SUCO: variants seen among roughly 807,000 people sequenced by gnomAD.
SUCO encodes SUN domain containing ossification factor.
In SUCO, 57 loss-of-function variants were observed where a neutral mutation model predicts 148.1. That is an observed-to-expected ratio of 0.38 (90% CI 0.31 to 0.48). The LOEUF (loss-of-function observed/expected upper bound fraction) is 0.48. SUCO is among the 20% of genes least tolerant of loss of function. The pLI is 0.96. For missense variants in SUCO, 1,331 were observed against 1,468.2 expected (o/e 0.91, Z 1.53); for synonymous variants, 470 against 502.7 (o/e 0.93, Z 0.87).
At chr1:172,576,339 A>G (rs1318448244) in intron 11 of SUCO, among the ~76,000 whole-genome samples, 1 of 151,670 alleles carries the variant, frequency 6.6e-6, no homozygotes, top group Non-Finnish European at 1.5e-5. Flanking sequence ...TCTTCTTTAA[A>G]TGTGAGAACT....
rs145760166 is a variant in SUCO, at chr1:172,601,922, C to G, written c.3019-142C>G. The G allele has an allele frequency of 1.7e-3, 1,330 of 760,294 alleles. 14 individuals carry two copies. The highest frequency in any genetic ancestry group is 0.017 in the South Asian group (485 of 28,068). 47.1% of individuals were successfully genotyped at this position (760,294 alleles called of 1,614,324 possible). A position where few individuals can be genotyped will look rare whatever the true frequency, so the allele number is the denominator to read the frequency against. ...TTTCTTTAATGTCATAGTTTATTTT[C>G]AAAGAGCATGCCCTGCATTTCTGGT... is the stretch of plus-strand genomic sequence containing the variant. On this transcript the variant is annotated intron_variant, in intron 20 of 23. Transcript: ENST00000263688.
In SUCO at chr1:172,569,920, CAA is replaced by C. The variant is rs563784779; in HGVS notation, c.857-126_857-125del. 100 of 876,902 alleles carry C rather than the reference CAA, an allele frequency of 1.1e-4. No individual in the cohort carries two copies. The East Asian group carries it at 3.3e-3, about 29-fold the overall frequency. The allele number at this position is 876,902 out of a possible 1,614,324, so 54.3% of individuals were successfully genotyped here. A position where few individuals can be genotyped will look rare whatever the true frequency, so the allele number is the denominator to read the frequency against. ...TTTATGAATTTTTAAAATATTCTCTCAAGTGTTAAAACCTATTCTTTTCTAGA... is the reference window on the plus strand; with the variant it reads ...TTTATGAATTTTTAAAATATTCTCTCGTGTTAAAACCTATTCTTTTCTAGA... On this transcript the variant is annotated intron_variant, in intron 7 of 23. Coordinates refer to ENST00000263688, the MANE Select transcript of SUCO (RefSeq NM_014283.5).
chr1:172,603,471 A>G (rs1657662129), intron 22 of SUCO, among the ~76,000 whole-genome samples: 1 of 152,020 alleles, frequency 6.6e-6, no homozygotes, highest in Admixed American at 6.6e-5. Context: ...GTTTCAATTG[A>G]TTAAATTATT....
At chr1:172,593,704 A>G (rs1226962144) in intron 19 of SUCO, among the ~76,000 whole-genome samples, 2 of 152,106 alleles carry the variant, frequency 1.3e-5, no homozygotes, top group South Asian at 4.2e-4. Flanking sequence ...TTTTTGCATC[A>G]ATGTTCATCA....
At chr1:172,588,047 C>A in intron 17 of SUCO, 2 of 976,216 alleles carry the variant, frequency 2.0e-6, no homozygotes, top group Non-Finnish European at 2.4e-6. Flanking sequence ...ATATCATAAG[C>A]CAGAATTGTT....
intron 14 of SUCO, 71 bp downstream of exon 14, chr1:172,578,460 G>T: frequency 6.7e-7 from 1 of 1,484,866 alleles, no homozygotes; most frequent in South Asian, 1.2e-5. Context: ...AGTAATGGGG[G>T]AGTATAGCTT....
intron 18 of SUCO, 24 bp downstream of exon 18, chr1:172,589,950 C>A: frequency 6.7e-7 from 1 of 1,496,900 alleles, no homozygotes; most frequent in Non-Finnish European, 8.8e-7. Flanking sequence ...TGAATTAGCA[C>A]AGTCAGCTTC....
Position 172,557,685 on chromosome 1 carries a change from G to C in SUCO, c.623G>C (p.Gly208Ala). The part of the protein sequence containing the change: ...QHIENVSSSH[G>A]KGKITKSEFE... ...ATAGAAAATGTATCATCTTCACATG[G>C]TAAAGGAAAGATAACAAAATCAGAA... is the stretch of plus-strand genomic sequence containing the variant. Residue 208 changes from glycine to alanine, a missense_variant, in exon 6 of 24, where the codon GGT (glycine) becomes GCT (alanine). Transcript: ENST00000263688. 6.2e-7 allele frequency: 1 copy of C among 1,612,860 alleles called. No individual in the cohort carries two copies. The highest frequency in any genetic ancestry group is 8.5e-7 in the Non-Finnish European group (1 of 1,179,548).
intron 6 of SUCO, among the ~76,000 whole-genome samples, chr1:172,561,914 A>G (rs1654186882): frequency 6.6e-6 from 1 of 152,226 alleles, no homozygotes; most frequent in Non-Finnish European, 1.5e-5. Flanking sequence ...GGAGGAATAC[A>G]AAACAAAAAT....
intron 1 of SUCO, among the ~76,000 whole-genome samples, chr1:172,549,187 C>A (rs1279557578): frequency 1.3e-5 from 2 of 151,614 alleles, no homozygotes; most frequent in African/African-American, 2.4e-5. Flanking sequence ...TGAAAATTAC[C>A]CCTAATGTTT....
chr1:172,533,538 T>G, intron 1 of SUCO, 41 bp downstream of exon 1: 2 of 1,501,828 alleles, frequency 1.3e-6, no homozygotes, highest in Non-Finnish European at 1.8e-6. Context: ...GTGAGGGGAG[T>G]AAATGGGAGG....
At chr1:172,540,349 T>A (rs1481786152) in intron 1 of SUCO, among the ~76,000 whole-genome samples, 1 of 152,212 alleles carries the variant, frequency 6.6e-6, no homozygotes, top group Non-Finnish European at 1.5e-5. Context: ...TGGGTGCCTG[T>A]ATTAGCCTAG....
chr1:172,565,012 C>T (rs1654453464), intron 6 of SUCO, among the ~76,000 whole-genome samples: 1 of 152,176 alleles, frequency 6.6e-6, no homozygotes, highest in African/African-American at 2.4e-5. Flanking sequence ...ATCATTTTAC[C>T]ATTTTTAGAT....
chr1:172,580,691 A>G (rs1490749563), intron 15 of SUCO, among the ~76,000 whole-genome samples: 1 of 152,210 alleles, frequency 6.6e-6, no homozygotes, highest in Non-Finnish European at 1.5e-5. Flanking sequence ...ACTGGAAAAA[A>G]GAGGACACCT....
chr1:172,532,551 A>G (rs1411602271), upstream of SUCO: 4 of 1,613,744 alleles, frequency 2.5e-6, no homozygotes, highest in Non-Finnish European at 3.4e-6. Context: ...GCCACAGGGA[A>G]AGGGCTTGGT....
At chr1:172,543,017 C>T (rs1652596459) in intron 1 of SUCO, 1 of 984,594 alleles carries the variant, frequency 1.0e-6, no homozygotes, top group Non-Finnish European at 1.2e-6. Flanking sequence ...TGTTTGGTAG[C>T]CAGGAGATGT....
chr1:172,559,394 G>A (rs1653976018), intron 6 of SUCO, among the ~76,000 whole-genome samples: 1 of 152,146 alleles, frequency 6.6e-6, no homozygotes, highest in East Asian at 1.9e-4. Flanking sequence ...ATAAGTGTAT[G>A]TTTCTTGTTT....
chr1:172,566,338 T>A (rs1654549488), intron 6 of SUCO, among the ~76,000 whole-genome samples: 1 of 152,226 alleles, frequency 6.6e-6, no homozygotes, highest in South Asian at 2.1e-4. Context: ...TCTCATTGGC[T>A]CTTGCCAATC....
At chr1:172,532,821 G>A, upstream of SUCO, 1 of 1,584,650 alleles carries the variant, frequency 6.3e-7, no homozygotes, top group Non-Finnish European at 8.6e-7. Context: ...AAGGGGAAAT[G>A]CTGAGGATCA....
Sources: allele counts gnomAD v4.1 joint callset (sites outside exome capture counted in the v4.1 genomes callset), GRCh38; gene constraint gnomAD v4.1.1; transcripts MANE v1.5; gene names NCBI Gene and HGNC (gene_info 2026-07-23, HGNC 2026-07-21).